MAVS: variants seen among roughly 807,000 people sequenced by gnomAD.
MAVS encodes mitochondrial antiviral signaling protein, also known as mitochondrial antiviral-signaling protein.
In MAVS, 20 loss-of-function variants were observed where a neutral mutation model predicts 30.2. The observed-to-expected ratio is 0.66, with a 90% confidence interval of 0.47 to 0.96. The LOEUF (loss-of-function observed/expected upper bound fraction) is 0.96, where lower values mean the gene tolerates loss of function less well. Among genes scored for constraint, MAVS ranks in the 40% least tolerant of loss-of-function variants. The probability of loss-of-function intolerance (pLI) is 0.00; values close to 1 mark genes in which losing one functional copy is unlikely to be tolerated. For missense variants in MAVS, 624 were observed against 701.1 expected (o/e 0.89, Z 1.24); for synonymous variants, 278 against 293.9 (o/e 0.95, Z 0.55).
In MAVS at chr20:3,866,062, C is replaced by G; in HGVS notation, c.1538C>G (p.Pro513Arg). Residue 513 changes from proline (P) to arginine (R), a missense_variant, in exon 7 of 7, where the codon CCT becomes CGT. Coordinates refer to ENST00000428216, the MANE Select transcript of MAVS (RefSeq NM_020746.5). ...GAGGTGCCATGCCACAGGCCCTCAC[C>G]TGGGGCTCTGTGGCTCCAGGTGGCT... Reference protein sequence around the residue: ...EREVPCHRPSPGALWLQVAVT... With the variant: ...EREVPCHRPSRGALWLQVAVT... 5 of 1,612,170 alleles carry G rather than the reference C, an allele frequency of 3.1e-6. No individual in the cohort carries two copies. Among genetic ancestry groups the G allele is most frequent in the Non-Finnish European group, 4.2e-6 (5 of 1,179,850 alleles).
At position 3,861,415 on chromosome 20, in the gene MAVS, C is replaced by T. The variant is rs2089866322; in HGVS notation, c.376C>T (p.His126Tyr). ...AGGGCCCCCCACACCTGCTGCGGCC[C>T]ACAGCATCCCCTACAACAGCTGCAG... is the stretch of plus-strand genomic sequence containing the variant. ...RPGPPTPAAA[H>Y]SIPYNSCREK... Residue 126 changes from histidine (H) to tyrosine (Y), a missense_variant, in exon 4 of 7, where the codon CAC (histidine) becomes TAC (tyrosine). By Grantham distance (83) the His-to-Tyr change is moderately conservative (BLOSUM62 2). Coordinates refer to ENST00000428216, the MANE Select transcript of MAVS (RefSeq NM_020746.5). 1 of 1,614,114 alleles carries T rather than the reference C, an allele frequency of 6.2e-7. No individual in the cohort carries two copies. Among genetic ancestry groups the T allele is most frequent in the South Asian group, 1.1e-5 (1 of 91,082 alleles).
intron 1 of MAVS, among the ~76,000 whole-genome samples, chr20:3,848,555 G>A (rs1358894350): frequency 6.6e-6 from 1 of 152,220 alleles, no homozygotes; most frequent in Non-Finnish European, 1.5e-5. Flanking sequence ...AGCAACTCAT[G>A]CATGTGAGGC....
chr20:3,863,203 T>C (rs1432172097), intron 5 of MAVS, among the ~76,000 whole-genome samples: 1 of 152,180 alleles, frequency 6.6e-6, no homozygotes. Context: ...AAGTAAGGTC[T>C]TCATCATCCA....
chr20:3,866,015 C>A lies in MAVS; in HGVS notation c.1491C>A (p.Ala497=), dbSNP rs112658509. The A allele has an allele frequency of 5.8e-5, 93 of 1,612,766 alleles. No individual in the cohort carries two copies. The highest frequency in any genetic ancestry group is 7.8e-5 in the Non-Finnish European group (92 of 1,179,994). ...ADPDGGPRPQ[A]DRKFQEREVP... is the part of the protein sequence containing the mutation. The stretch of plus-strand genomic sequence containing the variant: ...CGGATGGCGGCCCCAGGCCACAAGC[C>A]GACCGGAAGTTCCAGGAGAGGGAGG... The change falls in exon 7 of 7, where the codon GCC becomes GCA. Residue 497 remains alanine (A), a synonymous_variant. Coordinates refer to ENST00000428216, the MANE Select transcript of MAVS (RefSeq NM_020746.5).
rs530094432 is a variant in MAVS, at chr20:3,851,319, C to G, written c.-67-3239C>G. Among the ~76,000 whole-genome samples the G allele has an allele frequency of 8.6e-5, 13 of 150,942 alleles. No homozygotes were observed. In the South Asian group the frequency reaches 2.7e-3, roughly 32 times the overall value. On this transcript the variant is annotated intron_variant, in intron 1 of 6. Transcript: ENST00000428216. The stretch of plus-strand genomic sequence containing the variant: ...CTCCAGCCTGGGCAACAGAGCGAGA[C>G]TCTTTCTCAAAAACAACAACAACAA...
At chr20:3,853,261 C>A (rs1328428132) in intron 1 of MAVS, among the ~76,000 whole-genome samples, 1 of 150,170 alleles carries the variant, frequency 6.7e-6, no homozygotes, top group South Asian at 2.1e-4. Flanking sequence ...CCGAGGCGGG[C>A]GCATCACGAG....
intron 1 of MAVS, among the ~76,000 whole-genome samples, chr20:3,849,410 G>T (rs546305314): frequency 6.6e-6 from 1 of 152,108 alleles, no homozygotes; most frequent in Non-Finnish European, 1.5e-5. Flanking sequence ...TCACCATGTT[G>T]GCGAGGCTGG....
chr20:3,856,203 T>C (rs1349765026), intron 2 of MAVS, among the ~76,000 whole-genome samples: 15 of 151,834 alleles, frequency 9.9e-5, no homozygotes, highest in South Asian at 2.1e-4. Flanking sequence ...TACAGGCGCC[T>C]GCCACCATGC....
rs1252130323 is a variant in MAVS at position 3,868,616 on chromosome 20, A to G, written c.*2469A>G. The G allele has an allele frequency of 6.8e-6, 1 of 147,622 alleles. No homozygotes were observed. The highest frequency in any genetic ancestry group is 2.5e-5 in the African/African-American group (1 of 39,672). The allele number at this position is 147,622 out of a possible 1,614,324, so 9.1% of individuals were successfully genotyped here. A position where few individuals can be genotyped will look rare whatever the true frequency, so the allele number is the denominator to read the frequency against. On this transcript the variant is annotated 3_prime_UTR_variant, in exon 7 of 7. Coordinates refer to ENST00000428216, the MANE Select transcript of MAVS (RefSeq NM_020746.5). ...GCCACTGCGCTCCAGCCTGGGCGACAGAGTGGTATTCTGTTTCAAAAAAAA... is the reference window on the plus strand; with the variant it reads ...GCCACTGCGCTCCAGCCTGGGCGACGGAGTGGTATTCTGTTTCAAAAAAAA...
chr20:3,871,602 T>G lies in MAVS; in HGVS notation c.*5455T>G, dbSNP rs534949891. On this transcript the variant is annotated 3_prime_UTR_variant, in exon 7 of 7. Coordinates refer to ENST00000428216, the MANE Select transcript of MAVS (RefSeq NM_020746.5). ...TAGGCAAGATTCAAACTCCGTAGCA[T>G]GTCTCCTGCTCCCATCTCTTAGGAA... 10 of 152,498 alleles carry G rather than the reference T, an allele frequency of 6.6e-5. No homozygotes were observed. Among genetic ancestry groups the G allele is most frequent in the Admixed American group, 5.2e-4 (8 of 15,296 alleles). The allele number at this position is 152,498 out of a possible 1,614,324, so 9.4% of individuals were successfully genotyped here. A position where few individuals can be genotyped will look rare whatever the true frequency, so the allele number is the denominator to read the frequency against.
chr20:3,861,837 C>T (rs1216526681), intron 4 of MAVS, among the ~76,000 whole-genome samples: 1 of 152,130 alleles, frequency 6.6e-6, no homozygotes, highest in East Asian at 1.9e-4. Flanking sequence ...CAACCTCTGC[C>T]TCCTGGGTTC....
chr20:3,861,832 T>C (rs143677737), intron 4 of MAVS, among the ~76,000 whole-genome samples: 1 of 152,086 alleles, frequency 6.6e-6, no homozygotes, highest in East Asian at 1.9e-4. Context: ...CACTGCAACC[T>C]CTGCCTCCTG....
chr20:3,847,088 G>A (rs149249853), intron 1 of MAVS, among the ~76,000 whole-genome samples, 185 bp downstream of exon 1: 3,206 of 152,308 alleles, frequency 0.021, 116 homozygotes, highest in African/African-American at 0.073. Context: ...AGAGTTTCGG[G>A]AACACTGAGG....
At chr20:3,848,352 G>C (rs980696807) in intron 1 of MAVS, among the ~76,000 whole-genome samples, 1 of 152,282 alleles carries the variant, frequency 6.6e-6, no homozygotes, top group East Asian at 1.9e-4. Context: ...GCCTGCCTCG[G>C]CCTCCCAAAG....
chr20:3,848,119 A>G (rs2089723834), intron 1 of MAVS, among the ~76,000 whole-genome samples: 1 of 150,244 alleles, frequency 6.7e-6, no homozygotes, highest in Non-Finnish European at 1.5e-5. Flanking sequence ...TTTTTTTTTG[A>G]AATGGAGTCT....
At chr20:3,855,765 TTTTC>T (rs1277011449) in intron 2 of MAVS, among the ~76,000 whole-genome samples, 5 of 152,298 alleles carry the variant, frequency 3.3e-5, no homozygotes, top group East Asian at 3.9e-4. Context: ...TTTCTGTGGG[TTTTC>T]TTTATTTTCT....
At chr20:3,861,575 T>C (rs2089867848) in intron 4 of MAVS, 71 bp downstream of exon 4, 2 of 1,508,016 alleles carry the variant, frequency 1.3e-6, no homozygotes, top group Admixed American at 1.9e-5. Flanking sequence ...CCATTGAGCC[T>C]TCCAGAAACC....
chr20:3,859,660 G>A (rs1476728659), intron 3 of MAVS, among the ~76,000 whole-genome samples: 1 of 151,990 alleles, frequency 6.6e-6, no homozygotes, highest in Admixed American at 6.6e-5. Flanking sequence ...AAAGCCACTG[G>A]GTCCTAGGAT....
Position 3,864,665 on chromosome 20 carries a change from A to G in MAVS, c.1035A>G (p.Ala345=). 1 of 1,614,238 alleles carries G rather than the reference A, an allele frequency of 6.2e-7. No homozygotes were observed. The highest frequency in any genetic ancestry group is 8.5e-7 in the Non-Finnish European group (1 of 1,180,040). ...CTTCTAATGCGCTCACCAATCCAGC[A>G]CCATCCAAATTGCCCATCAACTCAA... ...AVPSNALTNP[A]PSKLPINSTR... is the part of the protein sequence containing the mutation. The change falls in exon 6 of 7, where the codon GCA becomes GCG. Residue 345 remains alanine, a synonymous_variant. Transcript: ENST00000428216.
Sources: allele counts gnomAD v4.1 joint callset (sites outside exome capture counted in the v4.1 genomes callset), GRCh38; gene constraint gnomAD v4.1.1; transcripts MANE v1.5; gene names NCBI Gene and HGNC (gene_info 2026-07-23, HGNC 2026-07-21).